Variants in ROCK2 observed in about 807,000 individuals in gnomAD.
The protein encoded by ROCK2 is rho-associated protein kinase 2.
ROCK2 carries 61 observed loss-of-function variants against 195.1 expected under a neutral mutation model. The observed-to-expected ratio is 0.31, with a 90% confidence interval of 0.25 to 0.39. The LOEUF (loss-of-function observed/expected upper bound fraction) is 0.39, where lower values mean the gene tolerates loss of function less well. Among genes scored for constraint, ROCK2 ranks in the 10% least tolerant of loss-of-function variants. The pLI, the probability that ROCK2 is intolerant of heterozygous loss-of-function variation, is 1.00. For synonymous variants in ROCK2, 504 were observed against 545.5 expected (o/e 0.92, Z 1.06); for missense variants, 1,109 against 1,637.4 (o/e 0.68, Z 5.57).
Position 11,192,844 on chromosome 2 carries a change from A to G in ROCK2, c.3688-132T>C, listed in dbSNP as rs1663481206. 5.8e-6 allele frequency: 6 copies of G among 1,035,448 alleles called. No individual in the cohort carries two copies. In the Admixed American group the frequency reaches 1.7e-4, roughly 30 times the overall value. 64.1% of individuals were successfully genotyped at this position (1,035,448 alleles called of 1,614,324 possible). On this transcript the variant is annotated intron_variant, in intron 30 of 32. Coordinates refer to ENST00000315872, the MANE Select transcript of ROCK2 (RefSeq NM_004850.5). This position sits in a 1 kb window ranked among gnomAD's most constrained non-coding sequence, Gnocchi z 5.0. ...GAGAAGAAAATGTATCTGAAGTACA[A>G]ACTTAAGCTCTTGATTACGCAAACT...
chr2:11,225,195 A>G (rs1446168201), intron 6 of ROCK2, among the ~76,000 whole-genome samples: 5 of 152,168 alleles, frequency 3.3e-5, no homozygotes, highest in African/African-American at 1.2e-4. Flanking sequence ...ACTGTAATAG[A>G]TGCACTGAAG....
At chr2:11,195,986 T>C (rs969447447) in intron 27 of ROCK2, among the ~76,000 whole-genome samples, 2 of 152,226 alleles carry the variant, frequency 1.3e-5, no homozygotes, top group African/African-American at 2.4e-5. Context: ...GAAATAAATA[T>C]GTGAAATAGC....
At chr2:11,338,010 T>C (rs1204432798) in intron 1 of ROCK2, among the ~76,000 whole-genome samples, 1 of 152,088 alleles carries the variant, frequency 6.6e-6, no homozygotes, top group Non-Finnish European at 1.5e-5. Context: ...AGGTATTTAA[T>C]TTACCCAAAA....
rs949697964 is a variant in ROCK2, at chr2:11,180,553, C to T, written c.*2884G>A. 2 of 151,918 alleles carry T rather than the reference C, an allele frequency of 1.3e-5. No individual in the cohort carries two copies. The highest frequency in any genetic ancestry group is 2.9e-5 in the Non-Finnish European group (2 of 67,992). The allele number at this position is 151,918 out of a possible 1,614,324, so 9.4% of individuals were successfully genotyped here. The stretch of plus-strand genomic sequence containing the variant: ...TGTACATTAATTTCAACAGTAATAC[C>T]GGCACCAGTTTTCCTTTCACTTCTG... On this transcript the variant is annotated 3_prime_UTR_variant, in exon 33 of 33. Coordinates refer to ENST00000315872, the MANE Select transcript of ROCK2 (RefSeq NM_004850.5).
At chr2:11,241,342 A>G (rs957335064) in intron 4 of ROCK2, among the ~76,000 whole-genome samples, 1 of 152,154 alleles carries the variant, frequency 6.6e-6, no homozygotes, top group Non-Finnish European at 1.5e-5. Context: ...TCAGTTACCT[A>G]TGGGACAACA....
At position 11,192,766 on chromosome 2, in the gene ROCK2, T is replaced by C; in HGVS notation, c.3688-54A>G. 2 of 1,538,096 alleles carry C rather than the reference T, an allele frequency of 1.3e-6. No individual in the cohort carries two copies. Among genetic ancestry groups the C allele is most frequent in the Non-Finnish European group, 1.8e-6 (2 of 1,140,506 alleles). On this transcript the variant is annotated intron_variant, in intron 30 of 32. Transcript: ENST00000315872. The surrounding 1 kb of genome is among the most constrained non-coding windows in gnomAD (Gnocchi z 5.0). ...TTTCCAAACATGCTATTTTTTTATG[T>C]AGGAACAATTCTGATAGTGTAAGTA...
intron 32 of ROCK2, among the ~76,000 whole-genome samples, chr2:11,191,335 T>G (rs1017729536): frequency 2.0e-5 from 3 of 152,194 alleles, no homozygotes; most frequent in Non-Finnish European, 4.4e-5. Context: ...TCCATCAAAA[T>G]GTTTTTGTGC....
At chr2:11,311,951 A>G (rs1436536504) in intron 1 of ROCK2, among the ~76,000 whole-genome samples, 1 of 152,192 alleles carries the variant, frequency 6.6e-6, no homozygotes, top group African/African-American at 2.4e-5. Context: ...AATATGTACA[A>G]TGATGATTTT....
chr2:11,262,768 T>C (rs1358886677), intron 3 of ROCK2, among the ~76,000 whole-genome samples: 1 of 152,190 alleles, frequency 6.6e-6, no homozygotes, highest in Non-Finnish European at 1.5e-5. Context: ...ATTAGCAGCA[T>C]GAAAACAGAC....
At position 11,225,562 on chromosome 2, in the gene ROCK2, G is replaced by A. The variant is rs148603084; in HGVS notation, c.869-1102C>T. On this transcript the variant is annotated intron_variant, in intron 6 of 32. Transcript: ENST00000315872. ...CATATGTTCCCCAGGCTGGCCTTGA[G>A]CTCCTGGGCTCAAGTGATCTTCCTG... 9.0e-3 allele frequency among the ~76,000 whole-genome samples: 1,369 copies of A among 151,658 alleles called. 6 individuals carry two copies. The highest frequency in any genetic ancestry group is 0.014 in the Non-Finnish European group (977 of 67,938).
chr2:11,295,533 C>T (rs1667485088), intron 1 of ROCK2, among the ~76,000 whole-genome samples: 1 of 152,074 alleles, frequency 6.6e-6, no homozygotes, highest in South Asian at 2.1e-4. Flanking sequence ...GCTCACAGTA[C>T]ACAGAATAAT....
In ROCK2 at chr2:11,197,228, T is replaced by C; in HGVS notation, c.3400A>G (p.Ser1134Gly). 6 of 1,613,720 alleles carry C rather than the reference T, an allele frequency of 3.7e-6. No individual in the cohort carries two copies. Among genetic ancestry groups the C allele is most frequent in the Non-Finnish European group, 5.1e-6 (6 of 1,179,806 alleles). ...QALHIGLDSSSIGSGPGDAEA... is the reference protein window; with the variant it reads ...QALHIGLDSSGIGSGPGDAEA... ...GCATCCCCTGGTCCACTGCCTATAC[T>C]GGAACTATCCAGACCAATATGCAAG... The change falls in exon 27 of 33, where the codon AGT (serine) becomes GGT (glycine). Residue 1134 changes from serine to glycine, a missense_variant. Physicochemically the swap from Ser to Gly is moderately conservative, Grantham distance 56 (BLOSUM62 0). Coordinates refer to ENST00000315872, the MANE Select transcript of ROCK2 (RefSeq NM_004850.5). This position sits in a 1 kb window ranked among gnomAD's most constrained non-coding sequence, Gnocchi z 4.9.
intron 1 of ROCK2, among the ~76,000 whole-genome samples, chr2:11,342,502 C>T (rs1276964105): frequency 6.6e-6 from 1 of 152,128 alleles, no homozygotes; most frequent in Admixed American, 6.5e-5. Context: ...AATTGCAAAA[C>T]GTTTCCATCT....
Position 11,221,195 on chromosome 2 carries a change from T to C in ROCK2, c.1259+3A>G, listed in dbSNP as rs764763261. On this transcript the variant is annotated splice_donor_region_variant and intron_variant, in intron 9 of 32. Coordinates refer to ENST00000315872, the MANE Select transcript of ROCK2 (RefSeq NM_004850.5). ...AAAATTTAACAAATAATAAACCACA[T>C]ACAAATTTTCTCTATAGTAGGTAAA... The C allele has an allele frequency of 2.6e-5, 40 of 1,540,796 alleles. No individual in the cohort carries two copies. The highest frequency in any genetic ancestry group is 1.6e-4 in the South Asian group (12 of 75,142).
At chr2:11,334,968 CTT>C (rs1668879374) in intron 1 of ROCK2, among the ~76,000 whole-genome samples, 1 of 139,672 alleles carries the variant, frequency 7.2e-6, no homozygotes, top group African/African-American at 2.4e-5. Flanking sequence ...TTATAAAGCA[CTT>C]TAGATATCTG....
intron 3 of ROCK2, among the ~76,000 whole-genome samples, chr2:11,284,246 G>A (rs1315259757): frequency 6.6e-6 from 1 of 152,148 alleles, no homozygotes; most frequent in African/African-American, 2.4e-5. Flanking sequence ...GAGACTTGGG[G>A]CTGGGAGATG....
intron 1 of ROCK2, among the ~76,000 whole-genome samples, chr2:11,332,128 A>C (rs1043052894): frequency 6.6e-6 from 1 of 152,088 alleles, no homozygotes; most frequent in Non-Finnish European, 1.5e-5. Flanking sequence ...CAACAGAGTG[A>C]GACCCCATCT....
chr2:11,214,567 T>A, intron 16 of ROCK2, 104 bp from the exon 17 acceptor site: 1 of 721,258 alleles, frequency 1.4e-6, no homozygotes, highest in South Asian at 1.9e-5. Context: ...AGCTGTTGTT[T>A]GTGAGCAGAA....
chr2:11,264,512 T>TA (rs1666347129), intron 3 of ROCK2, among the ~76,000 whole-genome samples: 1 of 152,118 alleles, frequency 6.6e-6, no homozygotes, highest in South Asian at 2.1e-4. Flanking sequence ...AGAACAAAGT[T>TA]AGAGAGGGAA....
Sources: allele counts gnomAD v4.1 joint callset (sites outside exome capture counted in the v4.1 genomes callset), GRCh38; gene constraint gnomAD v4.1.1; non-coding constraint Gnocchi (gnomAD v3.1); transcripts MANE v1.5; gene names NCBI Gene and HGNC (gene_info 2026-07-23, HGNC 2026-07-21).